Variants in TCAIM observed in about 807,000 individuals in gnomAD.
TCAIM encodes T cell activation inhibitor, mitochondrial.
In TCAIM, 36 loss-of-function variants were observed where a neutral mutation model predicts 58.6. The ratio of observed to expected loss-of-function variants is 0.61; its 90% CI spans 0.47 to 0.81. The LOEUF (loss-of-function observed/expected upper bound fraction) is 0.81, where lower values mean the gene tolerates loss of function less well. Ranked by LOEUF, TCAIM falls within the 30% of genes least tolerant of loss-of-function variation. The pLI, the probability that TCAIM is intolerant of heterozygous loss-of-function variation, is 0.00. For missense variants in TCAIM, 466 were observed against 579.6 expected, an observed-to-expected ratio of 0.80 and a Z score of 2.01; for synonymous variants, 172 against 193.6, an observed-to-expected ratio of 0.89 and a Z score of 0.93.
In TCAIM at chr3:44,388,069, A is replaced by AT. The variant is rs201520251; in HGVS notation, c.573-4780dup. On this transcript the variant is annotated intron_variant, in intron 5 of 10. Coordinates refer to ENST00000342649, the MANE Select transcript of TCAIM (RefSeq NM_173826.4). ...AAATTATATATGTATATTTATACAC[A>AT]TTTTTTCCCTGAACCATTTGAGTAA... Among the ~76,000 whole-genome samples, 69 of 151,736 alleles carry AT rather than the reference A, an allele frequency of 4.5e-4. No homozygotes were observed. In the East Asian group the frequency reaches 0.013, roughly 29 times the overall value.
intron 4 of TCAIM, among the ~76,000 whole-genome samples, chr3:44,365,598 G>C (rs1701361566): frequency 6.6e-6 from 1 of 152,128 alleles, no homozygotes; most frequent in Non-Finnish European, 1.5e-5. Flanking sequence ...AAAGTGGTGG[G>C]ATTACAGGCA....
At chr3:44,359,824 CCTT>C (rs1237915039) in intron 3 of TCAIM, 1 of 152,188 alleles carries the variant, frequency 6.6e-6, no homozygotes, top group African/African-American at 2.4e-5. Flanking sequence ...TTCTGTGAAT[CCTT>C]CTAGTAAATC....
intron 3 of TCAIM, chr3:44,359,483 A>T (rs957763048): frequency 6.6e-6 from 1 of 152,234 alleles, no homozygotes; most frequent in South Asian, 2.1e-4. Flanking sequence ...GCTGCACTGT[A>T]TTAATTTGAC....
intron 5 of TCAIM, among the ~76,000 whole-genome samples, chr3:44,380,518 A>C (rs1475330632): frequency 6.6e-6 from 1 of 152,190 alleles, no homozygotes; most frequent in Non-Finnish European, 1.5e-5. Flanking sequence ...GGAAATTTAT[A>C]GCTATAAACA....
At chr3:44,354,938 AAAAG>A (rs965551130) in intron 2 of TCAIM, 127 bp downstream of exon 2, 43 of 1,105,548 alleles carry the variant, frequency 3.9e-5, no homozygotes, top group Non-Finnish European at 5.0e-5. Context: ...AGCTGGAACA[AAAAG>A]AAAGAAAATT....
intron 10 of TCAIM, 106 bp from the exon 11 acceptor site, chr3:44,407,336 A>G: frequency 1.0e-6 from 1 of 957,898 alleles, no homozygotes; most frequent in East Asian, 2.8e-5. Flanking sequence ...TTGTGAGTGC[A>G]CAGTTAGGGC....
At chr3:44,382,001 C>T (rs1230753323) in intron 5 of TCAIM, among the ~76,000 whole-genome samples, 1 of 152,114 alleles carries the variant, frequency 6.6e-6, no homozygotes, top group African/African-American at 2.4e-5. Context: ...AATGGAAAGG[C>T]ATTCTATGAT....
At chr3:44,364,445 A>G (rs936007268) in intron 4 of TCAIM, among the ~76,000 whole-genome samples, 6 of 152,304 alleles carry the variant, frequency 3.9e-5, no homozygotes, top group South Asian at 2.1e-4. Context: ...AGTTAAGTAT[A>G]TAAAAATCTT....
intron 1 of TCAIM, 34 bp from the exon 2 acceptor site, chr3:44,354,705 C>T (rs1701157586): frequency 2.8e-6 from 4 of 1,449,890 alleles, no homozygotes; most frequent in Admixed American, 4.3e-5. Context: ...TAAAATTCTA[C>T]TTGTTCATTT....
intron 1 of TCAIM, among the ~76,000 whole-genome samples, chr3:44,347,441 A>G (rs972047754): frequency 1.3e-5 from 2 of 152,194 alleles, no homozygotes; most frequent in Admixed American, 6.5e-5. Flanking sequence ...GATGGATGTC[A>G]GGGTCAGTCC....
intron 1 of TCAIM, among the ~76,000 whole-genome samples, chr3:44,353,490 G>T (rs1316874620): frequency 1.3e-5 from 2 of 152,206 alleles, no homozygotes; most frequent in Non-Finnish European, 2.9e-5. Context: ...AGTTTTGTAA[G>T]AAATTGCCAT....
intron 5 of TCAIM, among the ~76,000 whole-genome samples, chr3:44,369,829 T>G (rs1000989805): frequency 6.6e-6 from 1 of 152,186 alleles, no homozygotes; most frequent in Non-Finnish European, 1.5e-5. Flanking sequence ...TGAACTGAAC[T>G]AAAGAATTGT....
At chr3:44,400,685 T>C (rs1702009267) in intron 9 of TCAIM, 98 bp downstream of exon 9, 1 of 1,061,556 alleles carries the variant, frequency 9.4e-7, no homozygotes. Context: ...TGGGTAGTTC[T>C]TAGGAATTAA....
intron 5 of TCAIM, among the ~76,000 whole-genome samples, chr3:44,373,445 C>T (rs1701512166): frequency 6.6e-6 from 1 of 151,398 alleles, no homozygotes; most frequent in Non-Finnish European, 1.5e-5. Context: ...GTGGGCAGAT[C>T]ACTTGATGTC....
At chr3:44,396,122 A>G (rs1701929259) in intron 6 of TCAIM, among the ~76,000 whole-genome samples, 1 of 152,258 alleles carries the variant, frequency 6.6e-6, no homozygotes, top group Non-Finnish European at 1.5e-5. Flanking sequence ...TCATCATCTT[A>G]TTTTTAAATA....
At chr3:44,398,445 TTAGATAGATAGATAGATAGATAGATAGA>T (rs58163075) in intron 8 of TCAIM, among the ~76,000 whole-genome samples, 1 of 145,232 alleles carries the variant, frequency 6.9e-6, no homozygotes, top group Non-Finnish European at 1.5e-5. Flanking sequence ...GATACAAAGA[TTAGATAGATAGATAGATAGATAGATAGA>T]TAGATAGATA....
intron 6 of TCAIM, among the ~76,000 whole-genome samples, chr3:44,395,543 C>G (rs1701919873): frequency 6.6e-6 from 1 of 152,224 alleles, no homozygotes; most frequent in South Asian, 2.1e-4. Flanking sequence ...TTTCTGACAG[C>G]ACTCGAGACC....
intron 6 of TCAIM, among the ~76,000 whole-genome samples, chr3:44,394,493 TG>T (rs1445462956): frequency 6.6e-6 from 1 of 152,112 alleles, no homozygotes; most frequent in East Asian, 1.9e-4. Context: ...CAAAGCAGAC[TG>T]GGGTTAGGAA....
At chr3:44,370,661 G>GT (rs563480638) in intron 5 of TCAIM, among the ~76,000 whole-genome samples, 1 of 149,216 alleles carries the variant, frequency 6.7e-6, no homozygotes, top group Admixed American at 6.7e-5. Flanking sequence ...CAGTAGATAG[G>GT]TTTTTTGTTT....
Sources: gnomAD v4.1 joint callset for allele counts (sites outside exome capture counted in the v4.1 genomes callset) on GRCh38, gnomAD v4.1.1 for gene constraint, MANE v1.5 for transcripts, NCBI Gene and HGNC (gene_info 2026-07-23, HGNC 2026-07-21) for gene names.